ZHX3: variants seen among roughly 807,000 people sequenced by gnomAD.
ZHX3 encodes the protein zinc fingers and homeoboxes protein 3.
A neutral mutation model predicts 64.5 loss-of-function variants in ZHX3; 20 were observed. That is an observed-to-expected ratio of 0.31 (90% CI 0.22 to 0.45). The LOEUF (loss-of-function observed/expected upper bound fraction) is 0.45, where lower values mean the gene tolerates loss of function less well. Among genes scored for constraint, ZHX3 ranks in the 20% least tolerant of loss-of-function variants. The pLI is 1.00. For synonymous variants in ZHX3, 423 were observed against 461.6 expected, an observed-to-expected ratio of 0.92 and a Z score of 1.07; for missense variants, 1,041 against 1,195.8, an observed-to-expected ratio of 0.87 and a Z score of 1.91.
chr20:41,257,955 G>C (rs1367154016), intron 2 of ZHX3, among the ~76,000 whole-genome samples: 1 of 127,322 alleles, frequency 7.9e-6, no homozygotes, highest in African/African-American at 3.5e-5. Flanking sequence ...AGCCAGGCTG[G>C]GGTACAGTGG....
chr20:41,231,469 T>C (rs1021425832), intron 2 of ZHX3, among the ~76,000 whole-genome samples: 2 of 152,232 alleles, frequency 1.3e-5, no homozygotes, highest in Non-Finnish European at 2.9e-5. Flanking sequence ...GACTAATTCA[T>C]GCTCAGACCC....
At chr20:41,279,963 T>G (rs1475901912) in intron 1 of ZHX3, among the ~76,000 whole-genome samples, 1 of 152,156 alleles carries the variant, frequency 6.6e-6, no homozygotes, top group Non-Finnish European at 1.5e-5. Flanking sequence ...AGCTGCATCC[T>G]CCAGTGTTCT....
intron 1 of ZHX3, among the ~76,000 whole-genome samples, chr20:41,282,518 C>T (rs2043739661): frequency 6.6e-6 from 1 of 152,028 alleles, no homozygotes; most frequent in Admixed American, 6.6e-5. Context: ...CCCATTACAC[C>T]TGGCTAATTT....
chr20:41,269,901 C>T (rs1032799117), intron 1 of ZHX3, among the ~76,000 whole-genome samples: 1 of 151,764 alleles, frequency 6.6e-6, no homozygotes, highest in African/African-American at 2.4e-5. Flanking sequence ...AAAAAAATCC[C>T]TCACCCAAGT....
At chr20:41,210,871 T>A (rs1278577296) in intron 2 of ZHX3, among the ~76,000 whole-genome samples, 2 of 152,160 alleles carry the variant, frequency 1.3e-5, no homozygotes, top group Admixed American at 6.5e-5. Context: ...TCTTCACATA[T>A]GCTTTTAAGT....
In ZHX3 at chr20:41,278,540, T is replaced by G. The variant is rs534921034; in HGVS notation, c.-244-9457A>C. On this transcript the variant is annotated intron_variant, in intron 1 of 3. Transcript: ENST00000683867. ...CATCTCTCATGTTATTGAGCATTCT[T>G]TGCATCTTTTATTACTACTGAGGTT... Among the ~76,000 whole-genome samples, 9 of 141,168 alleles carry G rather than the reference T, an allele frequency of 6.4e-5. 1 individual carries two copies. Among genetic ancestry groups the G allele is most frequent in the African/African-American group, 2.1e-4 (8 of 37,636 alleles). The allele number at this position is 141,168 out of a possible 152,430, so 92.6% of individuals were successfully genotyped here.
intron 1 of ZHX3, among the ~76,000 whole-genome samples, chr20:41,313,780 T>C (rs1469881242): frequency 6.6e-6 from 1 of 152,116 alleles, no homozygotes; most frequent in African/African-American, 2.4e-5. Context: ...GTATTTTTAG[T>C]AGAGACGGGG....
intron 2 of ZHX3, among the ~76,000 whole-genome samples, chr20:41,250,146 G>A (rs1361816667): frequency 1.3e-5 from 2 of 152,104 alleles, no homozygotes; most frequent in African/African-American, 4.8e-5. Context: ...CATGGCCTGG[G>A]GAAACTCCTT....
At chr20:41,262,135 C>T (rs2042592072) in intron 2 of ZHX3, among the ~76,000 whole-genome samples, 1 of 152,214 alleles carries the variant, frequency 6.6e-6, no homozygotes, top group Non-Finnish European at 1.5e-5. Context: ...ATCATCACTG[C>T]TATCTCCTTG....
intron 2 of ZHX3, 39 bp from the exon 3 acceptor site, chr20:41,205,105 G>C (rs1260712228): frequency 2.9e-5 from 29 of 1,001,916 alleles, no homozygotes; most frequent in Non-Finnish European, 3.2e-5. Context: ...GTTCTCTTAA[G>C]TGCTTTCTGT....
chr20:41,285,847 G>C (rs950728117), intron 1 of ZHX3, among the ~76,000 whole-genome samples: 7 of 152,166 alleles, frequency 4.6e-5, no homozygotes, highest in Non-Finnish European at 1.5e-5. Flanking sequence ...TAGCAATAGT[G>C]CCTTTCACAC....
At chr20:41,314,053 G>T (rs1030451240) in intron 1 of ZHX3, among the ~76,000 whole-genome samples, 8 of 152,140 alleles carry the variant, frequency 5.3e-5, no homozygotes, top group African/African-American at 1.9e-4. Context: ...AAAATAAGAA[G>T]CAACTGTTTT....
intron 3 of ZHX3, among the ~76,000 whole-genome samples, chr20:41,190,454 A>T (rs759646752): frequency 1.6e-4 from 24 of 152,116 alleles, no homozygotes; most frequent in Non-Finnish European, 3.2e-4. Context: ...TACAGGCATG[A>T]GCCACCATGC....
chr20:41,219,489 C>T lies in ZHX3; in HGVS notation c.-150-14423G>A, dbSNP rs1339261346. Among the ~76,000 whole-genome samples the T allele has an allele frequency of 6.6e-6, 1 of 152,188 alleles. No homozygotes were observed. Among genetic ancestry groups the T allele is most frequent in the South Asian group, 2.1e-4 (1 of 4,828 alleles). Reference sequence around the variant, plus strand: ...CCTGAAGATCTCCAAAGATAGGGAGCTTGGCACTTATTGACACTAGAAAGA... The same window carrying T: ...CCTGAAGATCTCCAAAGATAGGGAGTTTGGCACTTATTGACACTAGAAAGA... On this transcript the variant is annotated intron_variant, in intron 2 of 3. Coordinates refer to ENST00000683867, the MANE Select transcript of ZHX3 (RefSeq NM_001384317.1). The surrounding 1 kb of genome is among the most constrained non-coding windows in gnomAD (Gnocchi z 5.0).
rs1223344593 is a variant in ZHX3, at chr20:41,228,175, T to C, written c.-150-23109A>G. Among the ~76,000 whole-genome samples the C allele has an allele frequency of 1.3e-5, 2 of 152,128 alleles. No homozygotes were observed. The highest frequency in any genetic ancestry group is 4.8e-5 in the African/African-American group (2 of 41,434). On this transcript the variant is annotated intron_variant, in intron 2 of 3. Coordinates refer to ENST00000683867, the MANE Select transcript of ZHX3 (RefSeq NM_001384317.1). This position sits in a 1 kb window ranked among gnomAD's most constrained non-coding sequence, Gnocchi z 4.6. ...ATGCCCAGGACTTTGCAATCTCCTC[T>C]ACCCAAGAGATTTCCAAATCACCCT...
At chr20:41,261,996 T>C (rs2042585730) in intron 2 of ZHX3, among the ~76,000 whole-genome samples, 1 of 152,202 alleles carries the variant, frequency 6.6e-6, no homozygotes, top group Admixed American at 6.5e-5. Flanking sequence ...TTCCACCATC[T>C]ATCACCACCT....
In ZHX3 at chr20:41,180,772, G is replaced by A. The variant is rs1251451159; in HGVS notation, c.*4419C>T. The A allele has an allele frequency of 6.6e-6, 1 of 152,268 alleles. No individual in the cohort carries two copies. Among genetic ancestry groups the A allele is most frequent in the East Asian group, 1.9e-4 (1 of 5,198 alleles). 9.4% of individuals were successfully genotyped at this position (152,268 alleles called of 1,614,324 possible). Reference sequence around the variant, plus strand: ...AACCTGTTGGTTCCATTTGCACTCAGAGCAAACCAAGCAGCACCTTGATTG... The same window carrying A: ...AACCTGTTGGTTCCATTTGCACTCAAAGCAAACCAAGCAGCACCTTGATTG... On this transcript the variant is annotated 3_prime_UTR_variant, in exon 4 of 4. Coordinates refer to ENST00000683867, the MANE Select transcript of ZHX3 (RefSeq NM_001384317.1).
At chr20:41,300,952 C>G (rs1223731634) in intron 1 of ZHX3, among the ~76,000 whole-genome samples, 1 of 152,186 alleles carries the variant, frequency 6.6e-6, no homozygotes, top group African/African-American at 2.4e-5. Flanking sequence ...CAAACCAAGT[C>G]AGACAAGGGC....
At chr20:41,291,279 T>G (rs553445879) in intron 1 of ZHX3, among the ~76,000 whole-genome samples, 39 of 152,134 alleles carry the variant, frequency 2.6e-4, no homozygotes, top group African/African-American at 7.2e-4. Flanking sequence ...AGAACAGAAG[T>G]CACAACAAAT....
Sources: gnomAD v4.1 joint callset for allele counts (sites outside exome capture counted in the v4.1 genomes callset) on GRCh38, gnomAD v4.1.1 for gene constraint, Gnocchi (gnomAD v3.1) non-coding constraint, MANE v1.5 for transcripts, NCBI Gene and HGNC (gene_info 2026-07-23, HGNC 2026-07-21) for gene names.